MARK2: variants seen among roughly 807,000 people sequenced by gnomAD.
MARK2 encodes the protein serine/threonine-protein kinase MARK2.
Under a neutral mutation model 89.8 loss-of-function variants are expected in MARK2, and 16 were observed. The ratio of observed to expected loss-of-function variants is 0.18; its 90% CI spans 0.12 to 0.27. The LOEUF is 0.27. Ranked by LOEUF, MARK2 falls within the 10% of genes least tolerant of loss-of-function variation. MARK2 has a pLI of 1.00. For synonymous variants in MARK2, 382 were observed against 399.5 expected (o/e 0.96, Z 0.52); for missense variants, 621 against 1,049.9 (o/e 0.59, Z 5.65).
rs1941589990 is a variant in MARK2 at position 63,909,223 on chromosome 11, G to A, written c.2353G>A (p.Glu785Lys). 1 of 1,589,052 alleles carries A rather than the reference G, an allele frequency of 6.3e-7. No individual in the cohort carries two copies. ...AAACATTGCCTCCAAAATAGCCAAC[G>A]AGCTGAAGCTTTAACAGGCTGCCAG... ...FKNIASKIAN[E>K]LKL Residue 785 changes from glutamate to lysine, a missense_variant, in exon 19 of 19, where the codon GAG becomes AAG. Glu to Lys is a moderately conservative substitution (Grantham distance 56). Transcript: ENST00000402010.
At chr11:63,886,376 G>C (rs1206632199) in intron 1 of MARK2, among the ~76,000 whole-genome samples, 1 of 151,766 alleles carries the variant, frequency 6.6e-6, no homozygotes, top group Non-Finnish European at 1.5e-5. Context: ...TTCCCACCTT[G>C]GCCTCCCAAA....
intron 1 of MARK2, chr11:63,888,781 C>A: frequency 8.0e-7 from 1 of 1,247,292 alleles, no homozygotes; most frequent in East Asian, 5.7e-5. Flanking sequence ...CTACTTTTCA[C>A]TGAGGAGGTG....
chr11:63,899,759 G>T, intron 7 of MARK2, 115 bp from the exon 8 acceptor site: 1 of 743,036 alleles, frequency 1.3e-6, no homozygotes, highest in Non-Finnish European at 2.4e-6. Context: ...GGTGGAGAAA[G>T]TTCTGAGACT....
intron 1 of MARK2, chr11:63,888,710 T>G (rs1051352374): frequency 8.4e-6 from 10 of 1,190,342 alleles, no homozygotes; most frequent in South Asian, 4.6e-5. Context: ...CTGCTAGTGG[T>G]GGTTTCGGTT....
chr11:63,892,811 C>T (rs1590655123), intron 1 of MARK2, among the ~76,000 whole-genome samples: 1 of 150,408 alleles, frequency 6.6e-6, no homozygotes, highest in Admixed American at 6.6e-5. Flanking sequence ...ACTGCAGCCT[C>T]GAACTCCTCC....
chr11:63,845,540 T>G (rs1043540345), intron 1 of MARK2, among the ~76,000 whole-genome samples: 1 of 152,076 alleles, frequency 6.6e-6, no homozygotes, highest in Non-Finnish European at 1.5e-5. Flanking sequence ...GTCTATGCAT[T>G]TTCTCCCTTC....
chr11:63,869,302 G>A (rs1164021790), intron 1 of MARK2: 21 of 159,468 alleles, frequency 1.3e-4, no homozygotes, highest in East Asian at 3.7e-4. Flanking sequence ...TTACCTGCTC[G>A]CGGCAGGCAG....
At chr11:63,907,388 C>T (rs962648407) in intron 17 of MARK2, among the ~76,000 whole-genome samples, 1 of 152,222 alleles carries the variant, frequency 6.6e-6, no homozygotes, top group African/African-American at 2.4e-5. Flanking sequence ...CGCTTGTGTG[C>T]ACCCCTGTGT....
Position 63,909,325 on chromosome 11 carries a change from G to A in MARK2, c.*88G>A. 1 of 1,365,274 alleles carries A rather than the reference G, an allele frequency of 7.3e-7. No individual in the cohort carries two copies. The highest frequency in any genetic ancestry group is 1.5e-5 in the South Asian group (1 of 67,188). The allele number at this position is 1,365,274 out of a possible 1,614,324, so 84.6% of individuals were successfully genotyped here. A position where few individuals can be genotyped will look rare whatever the true frequency, so the allele number is the denominator to read the frequency against. ...CGCCCCACCTGGGCGAGACTGCAGC[G>A]ATGGATTGGTGTGTCTCCCCTGCTG... On this transcript the variant is annotated 3_prime_UTR_variant, in exon 19 of 19. Coordinates refer to ENST00000402010, the MANE Select transcript of MARK2 (RefSeq NM_001039469.3).
intron 1 of MARK2, among the ~76,000 whole-genome samples, chr11:63,840,851 C>G (rs956865609): frequency 6.6e-6 from 1 of 152,132 alleles, no homozygotes; most frequent in Non-Finnish European, 1.5e-5. Flanking sequence ...TACACGGTCC[C>G]CCTCATCCTG....
intron 1 of MARK2, among the ~76,000 whole-genome samples, chr11:63,851,045 T>C (rs534132073): frequency 2.6e-5 from 4 of 152,268 alleles, no homozygotes; most frequent in Admixed American, 2.0e-4. Flanking sequence ...CAGCCCATGA[T>C]TGTAGGTTCC....
chr11:63,882,006 A>C (rs953589394), intron 1 of MARK2, among the ~76,000 whole-genome samples: 48 of 151,916 alleles, frequency 3.2e-4, no homozygotes, highest in Non-Finnish European at 5.9e-4. Flanking sequence ...GAGTCTAGAG[A>C]AGTGAGTCTA....
At chr11:63,851,741 A>C (rs548564168) in intron 1 of MARK2, among the ~76,000 whole-genome samples, 2 of 151,714 alleles carry the variant, frequency 1.3e-5, no homozygotes, top group South Asian at 4.2e-4. Context: ...ATTTCTGTAC[A>C]TTTAAGGATT....
chr11:63,856,346 G>T, intron 1 of MARK2, among the ~76,000 whole-genome samples: 1 of 114,062 alleles, frequency 8.8e-6, no homozygotes, highest in African/African-American at 3.1e-5. Flanking sequence ...TTAAATATAT[G>T]GCTTGTTTAT....
intron 1 of MARK2, among the ~76,000 whole-genome samples, chr11:63,892,107 A>G (rs185187217): frequency 2.0e-5 from 3 of 152,354 alleles, no homozygotes; most frequent in East Asian, 1.9e-4. Context: ...TGAGCAGACA[A>G]TAAGAGCTGG....
chr11:63,845,964 C>G (rs1236387826), intron 1 of MARK2, among the ~76,000 whole-genome samples: 3 of 151,662 alleles, frequency 2.0e-5, no homozygotes, highest in East Asian at 2.0e-4. Flanking sequence ...CTCAAGTGAT[C>G]CGCCTGCCGT....
intron 1 of MARK2, among the ~76,000 whole-genome samples, chr11:63,885,622 G>A (rs979352663): frequency 6.7e-6 from 1 of 150,170 alleles, no homozygotes; most frequent in Non-Finnish European, 1.5e-5. Flanking sequence ...ATTACTTGAG[G>A]CCAGGTGTTC....
chr11:63,879,062 T>C (rs899821225), intron 1 of MARK2, among the ~76,000 whole-genome samples: 10 of 152,258 alleles, frequency 6.6e-5, no homozygotes, highest in African/African-American at 2.2e-4. Context: ...CCCAGCACTT[T>C]GGGAGGCCGA....
At chr11:63,889,496 G>A (rs972452423) in intron 1 of MARK2, among the ~76,000 whole-genome samples, 1 of 152,190 alleles carries the variant, frequency 6.6e-6, no homozygotes, top group Non-Finnish European at 1.5e-5. Context: ...ATTAGGGCAG[G>A]GGCCCTGCCT....
Sources: allele counts gnomAD v4.1 joint callset (sites outside exome capture counted in the v4.1 genomes callset), GRCh38; gene constraint gnomAD v4.1.1; transcripts MANE v1.5; gene names NCBI Gene and HGNC (gene_info 2026-07-23, HGNC 2026-07-21).